Variants in DOCK8 observed in about 807,000 individuals in gnomAD.
DOCK8 encodes the protein dedicator of cytokinesis 8.
In DOCK8, 141 loss-of-function variants were observed where a neutral mutation model predicts 245.6. The ratio of observed to expected loss-of-function variants is 0.57; its 90% CI spans 0.50 to 0.66. The LOEUF (loss-of-function observed/expected upper bound fraction) is 0.66. DOCK8 is among the 30% of genes least tolerant of loss of function. The pLI, the probability that DOCK8 is intolerant of heterozygous loss-of-function variation, is 0.00. For missense variants in DOCK8, 2,965 were observed against 2,603.4 expected (o/e 1.14, Z -3.02); for synonymous variants, 1,168 against 970.2 (o/e 1.20, Z -3.79).
intron 45 of DOCK8, among the ~76,000 whole-genome samples, chr9:450,794 GC>G (rs113173870): frequency 0.077 from 11,609 of 151,488 alleles, 634 homozygotes; most frequent in South Asian, 0.18. Flanking sequence ...GACTTTCCAA[GC>G]CCACAACCAT....
Position 234,911 on chromosome 9 carries a change from T to C in DOCK8, c.53+19882T>C, listed in dbSNP as rs189300470. Among the ~76,000 whole-genome samples, 865 of 152,330 alleles carry C rather than the reference T, an allele frequency of 5.7e-3. 7 individuals are homozygous for C. The highest frequency in any genetic ancestry group is 0.019 in the African/African-American group (802 of 41,564). ...TTCTCTCAACTCATCAAAGTCATTC[T>C]CCATCCAGCTTTGTTCCATTGCTGG... On this transcript the variant is annotated intron_variant, in intron 1 of 47. Transcript: ENST00000432829.
In DOCK8 at chr9:432,225, A is replaced by G. The variant is rs750272401; in HGVS notation, c.4686A>G (p.Ala1562=). 1 of 1,613,632 alleles carries G rather than the reference A, an allele frequency of 6.2e-7. No individual in the cohort carries two copies. Among genetic ancestry groups the G allele is most frequent in the South Asian group, 1.1e-5 (1 of 91,048 alleles). The change falls in exon 37 of 48, where the codon GCA becomes GCG. Residue 1562 remains alanine (A), a synonymous_variant. Coordinates refer to ENST00000432829, the MANE Select transcript of DOCK8 (RefSeq NM_203447.4). ...CCCTGGCATCTTTGGTGGGAAGAGCACCAGACTTTAATGAAGAGCACCTGA... is the reference window on the plus strand; with the variant it reads ...CCCTGGCATCTTTGGTGGGAAGAGCGCCAGACTTTAATGAAGAGCACCTGA... ...TMSLASLVGR[A]PDFNEEHLRR... is the part of the protein sequence containing the mutation.
chr9:218,299 C>T (rs2046808007), intron 1 of DOCK8, among the ~76,000 whole-genome samples: 1 of 152,102 alleles, frequency 6.6e-6, no homozygotes, highest in African/African-American at 2.4e-5. Flanking sequence ...ATGAAGTATT[C>T]AAATCTGATA....
chr9:316,891 G>T (rs749286354), intron 6 of DOCK8, 152 bp from the exon 7 acceptor site: 6 of 685,038 alleles, frequency 8.8e-6, no homozygotes, highest in Non-Finnish European at 1.6e-5. Context: ...GGTTGGAAGA[G>T]AAACTTTCTT....
At chr9:404,105 GATA>G (rs1031249039) in intron 26 of DOCK8, among the ~76,000 whole-genome samples, 9 of 151,276 alleles carry the variant, frequency 5.9e-5, no homozygotes, top group Admixed American at 1.3e-4. Context: ...GGTGGGGGGT[GATA>G]ATGATGAAAT....
intron 5 of DOCK8, among the ~76,000 whole-genome samples, chr9:310,884 A>G (rs888120850): frequency 3.9e-5 from 6 of 152,230 alleles, no homozygotes; most frequent in African/African-American, 1.2e-4. Context: ...TGTGATGTTC[A>G]TCCCCGACTG....
In DOCK8 at chr9:221,249, G is replaced by A. The variant is rs1340383606; in HGVS notation, c.53+6220G>A. Among the ~76,000 whole-genome samples, 4 of 152,172 alleles carry A rather than the reference G, an allele frequency of 2.6e-5. No individual in the cohort carries two copies. The East Asian group carries it at 7.7e-4, about 29-fold the overall frequency. ...CCAAGATTAGAAAGGAGAAATGATGGCAACAGAACCAGTTTCTCCAGCTGT... is the reference window on the plus strand; with the variant it reads ...CCAAGATTAGAAAGGAGAAATGATGACAACAGAACCAGTTTCTCCAGCTGT... On this transcript the variant is annotated intron_variant, in intron 1 of 47. Coordinates refer to ENST00000432829, the MANE Select transcript of DOCK8 (RefSeq NM_203447.4).
intron 4 of DOCK8, among the ~76,000 whole-genome samples, chr9:299,574 C>T (rs2049432181): frequency 6.6e-6 from 1 of 151,918 alleles, no homozygotes; most frequent in Admixed American, 6.6e-5. Context: ...GTACATTTTC[C>T]TTGAAATCGT....
chr9:305,834 TCACAGCAGCA>T (rs2049802084), intron 5 of DOCK8, among the ~76,000 whole-genome samples: 1 of 148,044 alleles, frequency 6.8e-6, no homozygotes, highest in Non-Finnish European at 1.5e-5. Context: ...ACACCTATGC[TCACAGCAGCA>T]TTATTCACAG....
chr9:376,452 T>G (rs2053518741), intron 19 of DOCK8, 147 bp downstream of exon 19: 3 of 711,918 alleles, frequency 4.2e-6, no homozygotes, highest in African/African-American at 1.8e-5. Context: ...GCAAACCTCT[T>G]TAGGTTTCAT....
At chr9:428,679 G>T (rs985593591) in intron 35 of DOCK8, among the ~76,000 whole-genome samples, 183 bp downstream of exon 35, 4 of 152,218 alleles carry the variant, frequency 2.6e-5, no homozygotes, top group African/African-American at 9.6e-5. Flanking sequence ...ACCATGGAGA[G>T]GAAAAGCAGT....
intron 39 of DOCK8, among the ~76,000 whole-genome samples, chr9:437,358 G>C (rs899223881): frequency 1.1e-4 from 17 of 152,206 alleles, no homozygotes; most frequent in Admixed American, 5.9e-4. Flanking sequence ...AAGTCTAGGA[G>C]AGAAGAGAGA....
chr9:413,217 T>C (rs935742259), intron 28 of DOCK8, among the ~76,000 whole-genome samples: 1 of 152,150 alleles, frequency 6.6e-6, no homozygotes, highest in African/African-American at 2.4e-5. Context: ...CTCAAAAGAA[T>C]GAAGTTGGAC....
intron 6 of DOCK8, among the ~76,000 whole-genome samples, chr9:314,801 A>G (rs545818872): frequency 3.4e-5 from 4 of 119,202 alleles, no homozygotes; most frequent in South Asian, 4.8e-4. Flanking sequence ...CGATGACACA[A>G]TCAGATTTTT....
chr9:307,258 C>T (rs1190112419), intron 5 of DOCK8, among the ~76,000 whole-genome samples: 1 of 150,648 alleles, frequency 6.6e-6, no homozygotes, highest in Non-Finnish European at 1.5e-5. Flanking sequence ...AGGTGAAGAC[C>T]AGCGTACACA....
chr9:214,427 C>A, upstream of DOCK8: 2 of 1,425,398 alleles, frequency 1.4e-6, no homozygotes, highest in South Asian at 2.5e-5. Context: ...GATTTGAATC[C>A]TGATAGATTC....
chr9:310,932 T>G (rs781358405), intron 5 of DOCK8, among the ~76,000 whole-genome samples: 2 of 152,156 alleles, frequency 1.3e-5, no homozygotes, highest in Non-Finnish European at 2.9e-5. Flanking sequence ...CAAAACAATA[T>G]GGCAAAGCAT....
At chr9:261,158 G>T (rs1211816093) in intron 1 of DOCK8, among the ~76,000 whole-genome samples, 1 of 151,740 alleles carries the variant, frequency 6.6e-6, no homozygotes, top group African/African-American at 2.4e-5. Flanking sequence ...GCAGACAGGA[G>T]TAGGAGGGAG....
At position 409,285 on chromosome 9, in the gene DOCK8, A is replaced by G. The variant is rs544806879; in HGVS notation, c.3530+2216A>G. Among the ~76,000 whole-genome samples the G allele has an allele frequency of 4.6e-5, 7 of 152,286 alleles. No individual in the cohort carries two copies. The South Asian group carries it at 1.2e-3, about 27-fold the overall frequency. Reference sequence around the variant, plus strand: ...TGGGTATATCCACAAGTGTCTATGCATCGTTAAATCCACAGTGTTTTTCAA... The same window carrying G: ...TGGGTATATCCACAAGTGTCTATGCGTCGTTAAATCCACAGTGTTTTTCAA... On this transcript the variant is annotated intron_variant, in intron 28 of 47. Coordinates refer to ENST00000432829, the MANE Select transcript of DOCK8 (RefSeq NM_203447.4).
Sources: gnomAD v4.1 joint callset for allele counts (sites outside exome capture counted in the v4.1 genomes callset) on GRCh38, gnomAD v4.1.1 for gene constraint, MANE v1.5 for transcripts, NCBI Gene and HGNC (gene_info 2026-07-23, HGNC 2026-07-21) for gene names.